NCF2: variants seen among roughly 807,000 people sequenced by gnomAD.
NCF2 encodes the protein neutrophil cytosolic factor 2.
Under a neutral mutation model 70.9 loss-of-function variants are expected in NCF2, and 45 were observed. The observed-to-expected ratio is 0.63, with a 90% CI of 0.50 to 0.81. The LOEUF (loss-of-function observed/expected upper bound fraction) is 0.81. Ranked by LOEUF, NCF2 falls within the 40% of genes least tolerant of loss-of-function variation. NCF2 has a pLI of 0.00. For synonymous variants in NCF2, 203 were observed against 233.6 expected, an observed-to-expected ratio of 0.87 and a Z score of 1.19; for missense variants, 522 against 631.6, an observed-to-expected ratio of 0.83 and a Z score of 1.86.
chr1:183,572,325 C>G (rs1328738683), intron 5 of NCF2, among the ~76,000 whole-genome samples: 1 of 152,204 alleles, frequency 6.6e-6, no homozygotes, highest in East Asian at 1.9e-4. Context: ...GCTGGGATTA[C>G]AGGCATGCAC....
intron 3 of NCF2, among the ~76,000 whole-genome samples, chr1:183,575,709 C>T (rs887042643): frequency 3.9e-5 from 6 of 152,178 alleles, no homozygotes; most frequent in Non-Finnish European, 7.3e-5. Flanking sequence ...CTCTCAGAGA[C>T]GCCAGCTGCC....
chr1:183,574,467 T>G lies in NCF2; in HGVS notation c.501+20A>C, dbSNP rs757545051. 8.1e-6 allele frequency: 13 copies of G among 1,614,012 alleles called. No individual in the cohort carries two copies. The highest frequency in any genetic ancestry group is 1.1e-5 in the Non-Finnish European group (13 of 1,179,972). On this transcript the variant is annotated intron_variant, in intron 4 of 14. Transcript: ENST00000367535. ...AATCCAGTGACATCCTCTCAACACC[T>G]GCATCACCAATACGCTTACCCAGAC...
intron 14 of NCF2, among the ~76,000 whole-genome samples, chr1:183,558,505 C>T (rs1227693293): frequency 1.3e-5 from 2 of 151,176 alleles, no homozygotes; most frequent in Admixed American, 6.6e-5. Flanking sequence ...TGACCTCAAG[C>T]AGTCAGCCCA....
intron 3 of NCF2, among the ~76,000 whole-genome samples, chr1:183,577,165 C>G (rs1672834516): frequency 6.6e-6 from 1 of 152,176 alleles, no homozygotes; most frequent in South Asian, 2.1e-4. Flanking sequence ...AACTTGGGAA[C>G]TGAGCAAGCT....
rs1252205438 is a variant in NCF2 at position 183,560,234 on chromosome 1, T to C, written c.1330A>G (p.Lys444Glu). Residue 444 changes from lysine to glutamate, a missense_variant, in exon 14 of 15, where the codon AAA (lysine) becomes GAA (glutamate). Physicochemically the swap from Lys to Glu is moderately conservative, Grantham distance 56 (BLOSUM62 1). Coordinates refer to ENST00000367535, the MANE Select transcript of NCF2 (RefSeq NM_000433.4). ...GTTGTCTGGTTATTAGCATCAGCTT[T>C]TTCACTTTCCTTGGGTTCATCTGGA... ...GFPDEPKESE[K>E]ADANNQTTEP... 2 of 1,614,062 alleles carry C rather than the reference T, an allele frequency of 1.2e-6. No individual in the cohort carries two copies. The highest frequency in any genetic ancestry group is 1.7e-6 in the Non-Finnish European group (2 of 1,180,040).
At chr1:183,564,839 G>C (rs181642750) in intron 10 of NCF2, among the ~76,000 whole-genome samples, 3 of 152,312 alleles carry the variant, frequency 2.0e-5, no homozygotes, top group Non-Finnish European at 4.4e-5. Context: ...TAGTGTCCTA[G>C]ATACCATGAT....
chr1:183,562,374 AG>A (rs1247202409), intron 13 of NCF2, among the ~76,000 whole-genome samples: 3 of 152,108 alleles, frequency 2.0e-5, no homozygotes, highest in Non-Finnish European at 4.4e-5. Flanking sequence ...CAGACTTCCA[AG>A]AGACCCCTTA....
At position 183,573,309 on chromosome 1, in the gene NCF2, G is replaced by C. The variant is rs564418799; in HGVS notation, c.502-17C>G. 4.4e-6 allele frequency: 7 copies of C among 1,607,800 alleles called. No homozygotes were observed. Among genetic ancestry groups the C allele is most frequent in the Non-Finnish European group, 6.0e-6 (7 of 1,174,344 alleles). Reference sequence around the variant, plus strand: ...CTTCTGCTTCTGTAACACAGAAAACGTAGCATTCCCTTATGTGAAAATGGG... The same window carrying C: ...CTTCTGCTTCTGTAACACAGAAAACCTAGCATTCCCTTATGTGAAAATGGG... On this transcript the variant is annotated splice_polypyrimidine_tract_variant and intron_variant, in intron 4 of 14. Coordinates refer to ENST00000367535, the MANE Select transcript of NCF2 (RefSeq NM_000433.4).
intron 3 of NCF2, among the ~76,000 whole-genome samples, chr1:183,574,865 G>A (rs1303024830): frequency 2.0e-5 from 3 of 152,292 alleles, no homozygotes; most frequent in African/African-American, 4.8e-5. Flanking sequence ...TTCCAACAAC[G>A]AAATAGGTCA....
chr1:183,560,522 G>A (rs1671994828), intron 13 of NCF2, among the ~76,000 whole-genome samples: 2 of 152,192 alleles, frequency 1.3e-5, no homozygotes, highest in Non-Finnish European at 2.9e-5. Context: ...GGTGGTGGGT[G>A]GTGGGTTGGG....
In NCF2 at chr1:183,560,238, ACTTTC is replaced by A. The variant is rs1472146831; in HGVS notation, c.1321_1325del (p.Glu441Ter). 2 of 1,614,096 alleles carry A rather than the reference ACTTTC, an allele frequency of 1.2e-6. No individual in the cohort carries two copies. Among genetic ancestry groups the A allele is most frequent in the Non-Finnish European group, 1.7e-6 (2 of 1,180,034 alleles). ...TCTGGTTATTAGCATCAGCTTTTTC[ACTTTC>A]CTTGGGTTCATCTGGAAAGCCTTGG... On this transcript the variant is annotated frameshift_variant, in exon 14 of 15. Transcript: ENST00000367535. LOFTEE classifies it high-confidence loss of function.
rs1367853477 is a variant in NCF2 at position 183,577,656 on chromosome 1, C to G, written c.309G>C (p.Gly103=). Residue 103 remains glycine, a synonymous_variant, in exon 3 of 15, where the codon GGG becomes GGC. Coordinates refer to ENST00000367535, the MANE Select transcript of NCF2 (RefSeq NM_000433.4). ...DLKEALIQLR[G]NQLIDYKILG... is the part of the protein sequence containing the mutation. The stretch of plus-strand genomic sequence containing the variant: ...GGATCTTATAGTCTATCAGCTGGTT[C>G]CCTCGAAGCTGAATCAAGGCTTCTT... The G allele has an allele frequency of 6.2e-7, 1 of 1,614,122 alleles. No homozygotes were observed.
At chr1:183,591,471 C>T (rs1052696826), upstream of NCF2, among the ~76,000 whole-genome samples, 1 of 151,274 alleles carries the variant, frequency 6.6e-6, no homozygotes, top group African/African-American at 2.4e-5. Context: ...CTGATCTGGG[C>T]CTGAAATAAC....
At chr1:183,599,423 C>CTTCCTTCTTTCT in the NCF2 span, among the ~76,000 whole-genome samples, 134 of 107,510 alleles carry the variant, frequency 1.2e-3, 1 homozygote, top group African/African-American at 4.0e-3. Context: ...TCTTTCTTTC[C>CTTCCTTCTTTCT]TTCTTTCTTT....
At chr1:183,577,144 T>C (rs773198494) in intron 3 of NCF2, among the ~76,000 whole-genome samples, 1 of 152,036 alleles carries the variant, frequency 6.6e-6, no homozygotes, top group African/African-American at 2.4e-5. Context: ...TAGTAAAGAG[T>C]GTGGTCTATA....
At chr1:183,565,595 T>A (rs1441530898) in intron 10 of NCF2, 109 bp downstream of exon 10, 8 of 1,098,714 alleles carry the variant, frequency 7.3e-6, no homozygotes, top group African/African-American at 1.6e-5. Context: ...GAGTGACATG[T>A]TGGGAGAAGA....
At chr1:183,596,170 T>C in the NCF2 span, among the ~76,000 whole-genome samples, 186 of 151,892 alleles carry the variant, frequency 1.2e-3, no homozygotes, top group African/African-American at 4.0e-3. Context: ...ATGGTGGATT[T>C]TTAACATATC....
chr1:183,580,691 C>T (rs1310115180), intron 2 of NCF2, among the ~76,000 whole-genome samples: 1 of 152,078 alleles, frequency 6.6e-6, no homozygotes, highest in Non-Finnish European at 1.5e-5. Context: ...AAGATGTCTA[C>T]AGAGGCCCGG....
chr1:183,578,783 C>A (rs1672921384), intron 2 of NCF2, among the ~76,000 whole-genome samples: 1 of 152,218 alleles, frequency 6.6e-6, no homozygotes, highest in African/African-American at 2.4e-5. Context: ...AGAATGGGAG[C>A]TGACCACATC....
Sources: allele counts gnomAD v4.1 joint callset (sites outside exome capture counted in the v4.1 genomes callset), GRCh38; gene constraint gnomAD v4.1.1; transcripts MANE v1.5; gene names NCBI Gene and HGNC (gene_info 2026-07-23, HGNC 2026-07-21).